Variants in MBTD1 observed in about 807,000 individuals in gnomAD.
MBTD1 encodes the protein MBT domain-containing protein 1.
A neutral mutation model predicts 87.8 loss-of-function variants in MBTD1; 24 were observed. The ratio of observed to expected loss-of-function variants is 0.27; its 90% confidence interval spans 0.20 to 0.38. The LOEUF is 0.38. Among genes scored for constraint, MBTD1 ranks in the 10% least tolerant of loss-of-function variants. MBTD1 has a pLI of 1.00. For synonymous variants in MBTD1, 237 were observed against 248.6 expected (o/e 0.95, Z 0.44); for missense variants, 436 against 760.2 (o/e 0.57, Z 5.02).
At chr17:51,221,880 C>A (rs1017811774) in intron 3 of MBTD1, among the ~76,000 whole-genome samples, 7 of 152,020 alleles carry the variant, frequency 4.6e-5, no homozygotes, top group African/African-American at 1.5e-4. Flanking sequence ...GGAACCAATC[C>A]CCCATGGATA....
At chr17:51,230,413 T>A (rs558304930) in intron 2 of MBTD1, among the ~76,000 whole-genome samples, 2 of 151,816 alleles carry the variant, frequency 1.3e-5, no homozygotes, top group Non-Finnish European at 2.9e-5. Flanking sequence ...GTGGGTCTCA[T>A]AGTAACCAAG....
intron 14 of MBTD1, 49 bp from the exon 15 acceptor site, chr17:51,193,065 C>T: frequency 8.0e-7 from 1 of 1,256,502 alleles, no homozygotes. Flanking sequence ...AGAAAGAATG[C>T]ACAACCCTAC....
At chr17:51,182,504 G>GTAGA (rs1372450897) in intron 16 of MBTD1, among the ~76,000 whole-genome samples, 3 of 152,144 alleles carry the variant, frequency 2.0e-5, no homozygotes, top group African/African-American at 7.2e-5. Context: ...AATCTGAAAA[G>GTAGA]TAGATAGACT....
chr17:51,192,131 C>T, intron 16 of MBTD1, 72 bp downstream of exon 16: 5 of 1,072,332 alleles, frequency 4.7e-6, no homozygotes, highest in Admixed American at 2.1e-5. Context: ...ATATCATTTT[C>T]TGTCCAAGAA....
chr17:51,203,753 T>C, intron 8 of MBTD1, 38 bp downstream of exon 8: 4 of 1,580,608 alleles, frequency 2.5e-6, no homozygotes, highest in Non-Finnish European at 3.4e-6. Context: ...AAAGTACACA[T>C]ATAAAAAAAT....
At chr17:51,201,494 C>A in intron 12 of MBTD1, 98 bp downstream of exon 12, 1 of 693,724 alleles carries the variant, frequency 1.4e-6, no homozygotes, top group Non-Finnish European at 2.5e-6. Flanking sequence ...TACACATACA[C>A]ATTTTATGTC....
chr17:51,202,613 T>C (rs2051556521), intron 10 of MBTD1, 88 bp downstream of exon 10: 3 of 966,632 alleles, frequency 3.1e-6, no homozygotes, highest in African/African-American at 1.6e-5. Context: ...CTATTTTTCA[T>C]CTATGCAATT....
At chr17:51,217,452 C>A in intron 5 of MBTD1, 36 bp from the exon 6 acceptor site, 2 of 982,068 alleles carry the variant, frequency 2.0e-6, no homozygotes, top group Non-Finnish European at 3.0e-6. Flanking sequence ...TTATAATTCT[C>A]AAATCTTTTA....
chr17:51,255,337 CTGATA>C (rs1305145982), intron 2 of MBTD1, among the ~76,000 whole-genome samples: 1 of 151,776 alleles, frequency 6.6e-6, no homozygotes, highest in Non-Finnish European at 1.5e-5. Flanking sequence ...TCATATTGAT[CTGATA>C]TAACCTAAAA....
intron 5 of MBTD1, among the ~76,000 whole-genome samples, chr17:51,218,034 T>A (rs1483355053): frequency 6.6e-6 from 1 of 152,212 alleles, no homozygotes; most frequent in African/African-American, 2.4e-5. Context: ...TTTGTGCTTT[T>A]ATTTCCATTC....
intron 6 of MBTD1, among the ~76,000 whole-genome samples, chr17:51,215,927 A>AT (rs35988235): frequency 0.46 from 52,925 of 114,234 alleles, 13,409 homozygotes; most frequent in African/African-American, 0.53. Flanking sequence ...TAAAGCCCTA[A>AT]TTTTTTTTTT....
At chr17:51,255,638 C>T (rs1286704574) in intron 2 of MBTD1, among the ~76,000 whole-genome samples, 1 of 151,310 alleles carries the variant, frequency 6.6e-6, no homozygotes, top group Non-Finnish European at 1.5e-5. Context: ...CTCTGTCGCC[C>T]AGGCTGGAGT....
intron 7 of MBTD1, among the ~76,000 whole-genome samples, chr17:51,206,593 A>G (rs2051852426): frequency 6.6e-6 from 1 of 152,246 alleles, no homozygotes; most frequent in African/African-American, 2.4e-5. Context: ...ATGAAATTCA[A>G]ATTTCCTGTA....
intron 3 of MBTD1, among the ~76,000 whole-genome samples, chr17:51,221,350 G>A (rs960970358): frequency 3.9e-5 from 6 of 152,116 alleles, no homozygotes; most frequent in South Asian, 4.1e-4. Context: ...CAAGTTTGAC[G>A]TAGGTGCTCT....
At chr17:51,255,788 G>A (rs2055054131) in intron 2 of MBTD1, among the ~76,000 whole-genome samples, 1 of 151,968 alleles carries the variant, frequency 6.6e-6, no homozygotes, top group South Asian at 2.1e-4. Flanking sequence ...TGTAGAGACA[G>A]GGTTTCGCCA....
intron 6 of MBTD1, among the ~76,000 whole-genome samples, chr17:51,213,395 A>G (rs546641983): frequency 3.3e-5 from 5 of 152,350 alleles, no homozygotes; most frequent in Admixed American, 3.3e-4. Flanking sequence ...GCTGGGTTAA[A>G]GTTAAATTAC....
At chr17:51,190,169 T>C (rs2050728106) in intron 16 of MBTD1, among the ~76,000 whole-genome samples, 1 of 152,226 alleles carries the variant, frequency 6.6e-6, no homozygotes, top group African/African-American at 2.4e-5. Context: ...GTCTCTAGGT[T>C]GTTAATGAGG....
At chr17:51,239,278 A>T (rs1056871429) in intron 2 of MBTD1, among the ~76,000 whole-genome samples, 1 of 152,188 alleles carries the variant, frequency 6.6e-6, no homozygotes, top group Non-Finnish European at 1.5e-5. Flanking sequence ...TTTTTCATAA[A>T]ACTTAATTCA....
At chr17:51,231,781 A>C (rs554760121) in intron 2 of MBTD1, among the ~76,000 whole-genome samples, 125 of 151,536 alleles carry the variant, frequency 8.2e-4, no homozygotes, top group African/African-American at 3.0e-3. Flanking sequence ...GCTTTATTCT[A>C]TTTAGGCAAT....
Sources: gnomAD v4.1 joint callset for allele counts (sites outside exome capture counted in the v4.1 genomes callset) on GRCh38, gnomAD v4.1.1 for gene constraint, MANE v1.5 for transcripts, NCBI Gene and HGNC (gene_info 2026-07-23, HGNC 2026-07-21) for gene names.